Variants in PPDPF observed in about 807,000 individuals in gnomAD.
PPDPF encodes the protein pancreatic progenitor cell differentiation and proliferation factor.
A neutral mutation model predicts 6.3 loss-of-function variants in PPDPF; 11 were observed. The ratio of observed to expected loss-of-function variants is 1.76; its 90% CI spans 1.11 to 2.91. The LOEUF is 2.91. Ranked by LOEUF, PPDPF falls within the 30% of genes most tolerant of loss-of-function variation. The pLI, the probability that PPDPF is intolerant of heterozygous loss-of-function variation, is 0.00. For synonymous variants in PPDPF, 86 were observed against 64.5 expected (o/e 1.33, Z -1.60); for missense variants, 202 against 159.4 (o/e 1.27, Z -1.44).
Position 63,522,042 on chromosome 20 carries a change from C to G in PPDPF, c.*163C>G. On this transcript the variant is annotated 3_prime_UTR_variant, in exon 4 of 4. Transcript: ENST00000370179. Reference sequence around the variant, plus strand: ...CAAGCAGACCTTCGCATCAACACAGCAGACACCAAAAACCAGTGAGAGCCC... The same window carrying G: ...CAAGCAGACCTTCGCATCAACACAGGAGACACCAAAAACCAGTGAGAGCCC... 1 of 661,298 alleles carries G rather than the reference C, an allele frequency of 1.5e-6. No homozygotes were observed. Among genetic ancestry groups the G allele is most frequent in the Non-Finnish European group, 2.7e-6 (1 of 363,884 alleles). The allele number at this position is 661,298 out of a possible 1,614,324, so 41.0% of individuals were successfully genotyped here. A position where few individuals can be genotyped will look rare whatever the true frequency, so the allele number is the denominator to read the frequency against.
chr20:63,522,198 G>T lies in PPDPF; in HGVS notation c.*319G>T. The T allele has an allele frequency of 7.0e-6, 3 of 429,236 alleles. No homozygotes were observed. The highest frequency in any genetic ancestry group is 8.7e-6 in the Non-Finnish European group (2 of 230,168). 26.6% of individuals were successfully genotyped at this position (429,236 alleles called of 1,614,324 possible). The stretch of plus-strand genomic sequence containing the variant: ...GGTGTGTGCCTGAGCTGTGTGGCCC[G>T]AGGTTCCATTTGAGTGTGAGAAATG... On this transcript the variant is annotated 3_prime_UTR_variant, in exon 4 of 4. Coordinates refer to ENST00000370179, the MANE Select transcript of PPDPF (RefSeq NM_024299.4).
In PPDPF at chr20:63,521,873, G is replaced by A. The variant is rs772220525; in HGVS notation, c.339G>A (p.Pro113=). Residue 113 remains proline (P), a synonymous_variant, in exon 4 of 4, where the codon CCG becomes CCA. Coordinates refer to ENST00000370179, the MANE Select transcript of PPDPF (RefSeq NM_024299.4). ...CCAGCACAGCCAGCGCTGGGCCCCC[G>A]TCCTGACCTGAGCGGTTACCACCAG... ...GQSSTASAGP[P]S 8.2e-6 allele frequency: 13 copies of A among 1,584,712 alleles called. No homozygotes were observed. In the African/African-American group the frequency reaches 1.5e-4, roughly 18 times the overall value.
rs763426770 is a variant in PPDPF at position 63,521,272 on chromosome 20, C to T, written c.-25-12C>T. ...CCGCTGACCCGAGGGGCTCCTCCAC[C>T]CCCATGCGCAGATCCCACCAGCCAG... is the stretch of plus-strand genomic sequence containing the variant. On this transcript the variant is annotated splice_polypyrimidine_tract_variant and intron_variant, in intron 1 of 3. Coordinates refer to ENST00000370179, the MANE Select transcript of PPDPF (RefSeq NM_024299.4). 3.2e-6 allele frequency: 5 copies of T among 1,582,898 alleles called. No homozygotes were observed. Among genetic ancestry groups the T allele is most frequent in the East Asian group, 2.3e-5 (1 of 42,720 alleles).
chr20:63,521,673 C>G lies in PPDPF; in HGVS notation c.139C>G (p.Pro47Ala). 1.9e-6 allele frequency: 3 copies of G among 1,613,506 alleles called. No individual in the cohort carries two copies. Among genetic ancestry groups the G allele is most frequent in the Non-Finnish European group, 2.5e-6 (3 of 1,180,006 alleles). The change falls in exon 4 of 4, where the codon CCC becomes GCC. Residue 47 changes from proline (P) to alanine (A), a missense_variant. Coordinates refer to ENST00000370179, the MANE Select transcript of PPDPF (RefSeq NM_024299.4). The part of the protein sequence containing the change: ...GEAIPHPPGL[P>A]KADPGHWWAS... ...CCCCACTTCGCTTCTCTCAGGTCTC[C>G]CCAAGGCTGACCCGGGTCATTGGTG...
chr20:63,520,957 C>CGAGGGGCGGGGT, intron 1 of PPDPF, 63 bp downstream of exon 1: 26 of 1,007,318 alleles, frequency 2.6e-5, no homozygotes, highest in Non-Finnish European at 2.4e-5. Flanking sequence ...AGGGGCGGGG[C>CGAGGGGCGGGGT]TGGGCCGGGG....
In PPDPF at chr20:63,520,854, C is replaced by A; in HGVS notation, c.-66C>A. The stretch of plus-strand genomic sequence containing the variant: ...GGCCTAGCGCCCCCGTCCCCGCCAC[C>A]CGTGATCGTGCGCCGAGGCCCGCGA... On this transcript the variant is annotated 5_prime_UTR_variant, in exon 1 of 4. Coordinates refer to ENST00000370179, the MANE Select transcript of PPDPF (RefSeq NM_024299.4). 1 of 988,904 alleles carries A rather than the reference C, an allele frequency of 1.0e-6. No homozygotes were observed. The highest frequency in any genetic ancestry group is 1.2e-6 in the Non-Finnish European group (1 of 832,688). 61.3% of individuals were successfully genotyped at this position (988,904 alleles called of 1,614,324 possible).
chr20:63,521,160 C>A, intron 1 of PPDPF, 124 bp from the exon 2 acceptor site: 1 of 984,826 alleles, frequency 1.0e-6, no homozygotes. Context: ...GCGGCGAAGG[C>A]GGTGCCGGGA....
chr20:63,521,023 C>T, intron 1 of PPDPF, 129 bp downstream of exon 1: 1 of 614,754 alleles, frequency 1.6e-6, no homozygotes, highest in East Asian at 4.2e-5. Flanking sequence ...GCGGGCTCCT[C>T]TCGGGTCGGG....
In PPDPF at chr20:63,521,767, C is replaced by A. The variant is rs759954043; in HGVS notation, c.233C>A (p.Ser78Ter). The change falls in exon 4 of 4, where the codon TCG becomes TAG. Residue 78 changes from serine to a stop codon, truncating the protein, a stop_gained. Coordinates refer to ENST00000370179, the MANE Select transcript of PPDPF (RefSeq NM_024299.4). LOFTEE classifies it low-confidence loss of function (END_TRUNC). Reference protein sequence around the residue: ...MATVLESAEHSEPPQASSSMT... With the variant: ...MATVLESAEH ...ACGGTGTTGGAGTCCGCAGAGCACT[C>A]GGAACCTCCCCAGGCCTCCAGCAGC... The A allele has an allele frequency of 1.2e-6, 2 of 1,612,880 alleles. No individual in the cohort carries two copies. Among genetic ancestry groups the A allele is most frequent in the Admixed American group, 1.7e-5 (1 of 60,020 alleles).
At chr20:63,520,917 G>A in intron 1 of PPDPF, 23 bp downstream of exon 1, 6 of 1,006,790 alleles carry the variant, frequency 6.0e-6, no homozygotes, top group Non-Finnish European at 7.1e-6. Context: ...GCGCGCGGGT[G>A]GGACGAGCAG....
chr20:63,521,047 C>T (rs956332985), intron 1 of PPDPF, among the ~76,000 whole-genome samples, 153 bp downstream of exon 1: 1 of 151,972 alleles, frequency 6.6e-6, no homozygotes. Context: ...GTTGGGACGG[C>T]GCCCACCAGG....
rs756771880 is a variant in PPDPF at position 63,521,789 on chromosome 20, C to T, written c.255C>T (p.Ser85=). 8.1e-6 allele frequency: 13 copies of T among 1,612,462 alleles called. No homozygotes were observed. The African/African-American group carries it at 1.2e-4, about 15-fold the overall frequency. ...AEHSEPPQAS[S]SMTACGLARD... is the part of the protein sequence containing the mutation. ...ACTCGGAACCTCCCCAGGCCTCCAG[C>T]AGCATGACCGCCTGTGGCCTGGCTC... The change falls in exon 4 of 4, where the codon AGC becomes AGT. Residue 85 remains serine, a synonymous_variant. Transcript: ENST00000370179.
intron 2 of PPDPF, 73 bp from the exon 3 acceptor site, chr20:63,521,439 A>G (rs1375010658): frequency 1.3e-6 from 2 of 1,580,640 alleles, no homozygotes; most frequent in Non-Finnish European, 1.7e-6. Context: ...CTGCGGAACC[A>G]GCGCTCGGCC....
rs923640080 is a variant in PPDPF at position 63,520,769 on chromosome 20, C to T, written c.-151C>T. On this transcript the variant is annotated 5_prime_UTR_variant, in exon 1 of 4. Transcript: ENST00000370179. The stretch of plus-strand genomic sequence containing the variant: ...TGGGCGCGTCCGCGCGTGCGCACCC[C>T]GCGCGCGCCTCTCTGTCGTGGCGCG... 18 of 984,754 alleles carry T rather than the reference C, an allele frequency of 1.8e-5. 1 individual carries two copies. Among genetic ancestry groups the T allele is most frequent in the Non-Finnish European group, 2.2e-5 (18 of 829,716 alleles). The allele number at this position is 984,754 out of a possible 1,614,324, so 61.0% of individuals were successfully genotyped here. A position where few individuals can be genotyped will look rare whatever the true frequency, so the allele number is the denominator to read the frequency against.
chr20:63,521,625 T>C (rs2082547647), intron 3 of PPDPF, 36 bp downstream of exon 3: 2 of 1,610,842 alleles, frequency 1.2e-6, no homozygotes, highest in Admixed American at 1.7e-5. Flanking sequence ...CCCCCGCTCC[T>C]CCAGGAGCTG....
chr20:63,520,929 C>A, intron 1 of PPDPF, 35 bp downstream of exon 1: 1 of 1,009,942 alleles, frequency 9.9e-7, no homozygotes, highest in Non-Finnish European at 1.2e-6. Context: ...GACGAGCAGG[C>A]CCGAGGGGCG....
In PPDPF at chr20:63,520,786, C is replaced by G; in HGVS notation, c.-134C>G. ...GCGCACCCCGCGCGCGCCTCTCTGT[C>G]GTGGCGCGGCTTCCCGCGGTCTTCT... On this transcript the variant is annotated 5_prime_UTR_variant, in exon 1 of 4. Coordinates refer to ENST00000370179, the MANE Select transcript of PPDPF (RefSeq NM_024299.4). 1.0e-6 allele frequency: 1 copy of G among 984,680 alleles called. No individual in the cohort carries two copies. Among genetic ancestry groups the G allele is most frequent in the Non-Finnish European group, 1.2e-6 (1 of 829,720 alleles). The allele number at this position is 984,680 out of a possible 1,614,324, so 61.0% of individuals were successfully genotyped here.
Position 63,521,763 on chromosome 20 carries a change from C to T in PPDPF, c.229C>T (p.His77Tyr). The T allele has an allele frequency of 2.5e-6, 4 of 1,613,002 alleles. No homozygotes were observed. The highest frequency in any genetic ancestry group is 3.4e-6 in the Non-Finnish European group (4 of 1,179,992). Residue 77 changes from histidine (H) to tyrosine (Y), a missense_variant, in exon 4 of 4, where the codon CAC becomes TAC. His to Tyr is a moderately conservative substitution (Grantham distance 83, BLOSUM62 2). Coordinates refer to ENST00000370179, the MANE Select transcript of PPDPF (RefSeq NM_024299.4). ...FMATVLESAEHSEPPQASSSM... is the reference protein window; with the variant it reads ...FMATVLESAEYSEPPQASSSM... The stretch of plus-strand genomic sequence containing the variant: ...GGCCACGGTGTTGGAGTCCGCAGAG[C>T]ACTCGGAACCTCCCCAGGCCTCCAG...
Position 63,521,986 on chromosome 20 carries a change from A to T in PPDPF, c.*107A>T, listed in dbSNP as rs766076741. 3 of 548,120 alleles carry T rather than the reference A, an allele frequency of 5.5e-6. No individual in the cohort carries two copies. Among genetic ancestry groups the T allele is most frequent in the African/African-American group, 4.2e-5 (1 of 24,014 alleles). The allele number at this position is 548,120 out of a possible 1,614,324, so 34.0% of individuals were successfully genotyped here. ...TCCCTCGCCCCCCTCCCCACCTCCC[A>T]CCCCCCACCCTGTAAACTAGGCGGC... On this transcript the variant is annotated 3_prime_UTR_variant, in exon 4 of 4. Coordinates refer to ENST00000370179, the MANE Select transcript of PPDPF (RefSeq NM_024299.4).
Sources: gnomAD v4.1 joint callset for allele counts (sites outside exome capture counted in the v4.1 genomes callset) on GRCh38, gnomAD v4.1.1 for gene constraint, MANE v1.5 for transcripts, NCBI Gene and HGNC (gene_info 2026-07-23, HGNC 2026-07-21) for gene names.